The following LANCL3 variants were observed in gnomAD, a reference collection of about 807,000 sequenced individuals.
LANCL3 encodes LanC like family member 3.
Under a neutral mutation model 26.5 loss-of-function variants are expected in LANCL3, and 19 were observed. The observed-to-expected ratio is 0.72, with a 90% CI of 0.50 to 1.05. LANCL3 has a LOEUF of 1.05. Among genes scored for constraint, LANCL3 ranks in the 50% least tolerant of loss-of-function variants. The pLI, the probability that LANCL3 is intolerant of heterozygous loss-of-function variation, is 0.00. For missense variants in LANCL3, 318 were observed against 362.7 expected (o/e 0.88, Z 1.00); for synonymous variants, 160 against 166.6 (o/e 0.96, Z 0.30).
chrX:37,576,560 A>C (rs1441236769), intron 1 of LANCL3, among the ~76,000 whole-genome samples: 7 of 111,606 alleles, frequency 6.3e-5, no homozygotes, highest in Non-Finnish European at 1.3e-4. Context: ...GATTAATAAG[A>C]GCTTCTTCGT....
In LANCL3 at chrX:37,667,393, G is replaced by A; in HGVS notation, c.1007G>A (p.Gly336Glu). ...LTWQKGLLKK[G>E]PGICHGVAGS... ...TGGCAGAAAGGCCTGCTAAAGAAGG[G>A]GCCTGGGATTTGCCATGGAGTAGCC... The change falls in exon 4 of 5, where the codon GGG becomes GAG. Residue 336 changes from glycine (G) to glutamate (E), a missense_variant. By Grantham distance (98) the Gly-to-Glu change is moderately conservative. Coordinates refer to ENST00000378619, the MANE Select transcript of LANCL3 (RefSeq NM_001170331.2). 1 of 1,203,168 alleles carries A rather than the reference G, an allele frequency of 8.3e-7. No individual in the cohort carries two copies. Among genetic ancestry groups the A allele is most frequent in the Non-Finnish European group, 1.1e-6 (1 of 891,655 alleles).
In LANCL3 at chrX:37,577,571, A is replaced by G. The variant is rs3126460; in HGVS notation, c.573+5128A>G. Among the ~76,000 whole-genome samples the G allele has an allele frequency of 9.7e-3, 1,090 of 112,514 alleles. 6 individuals carry two copies. The highest frequency in any genetic ancestry group is 0.033 in the African/African-American group (1,033 of 30,977). On this transcript the variant is annotated intron_variant, in intron 1 of 4. Transcript: ENST00000378619. Reference sequence around the variant, plus strand: ...AAATGCTAATTTGTTTAAGTAAGCTAGGAAACATGTAGATGTGATTTTATT... The same window carrying G: ...AAATGCTAATTTGTTTAAGTAAGCTGGGAAACATGTAGATGTGATTTTATT...
intron 1 of LANCL3, among the ~76,000 whole-genome samples, chrX:37,640,058 A>C (rs1925822905): frequency 1.8e-5 from 2 of 112,321 alleles, no homozygotes; most frequent in Non-Finnish European, 3.8e-5. Context: ...CCCTCATTAA[A>C]ATAATAACAA....
At chrX:37,668,114 G>A (rs1926589693) in intron 4 of LANCL3, among the ~76,000 whole-genome samples, 2 of 109,166 alleles carry the variant, frequency 1.8e-5, no homozygotes, top group African/African-American at 6.7e-5. Context: ...ATGTGTGTGT[G>A]TGTGTGTCTT....
At chrX:37,581,143 A>AT (rs1160203991) in intron 1 of LANCL3, among the ~76,000 whole-genome samples, 1 of 111,823 alleles carries the variant, frequency 8.9e-6, no homozygotes, top group African/African-American at 3.3e-5. Context: ...CTGAATTACA[A>AT]TTTTTTTCCC....
intron 1 of LANCL3, among the ~76,000 whole-genome samples, chrX:37,618,934 C>T (rs1925079925): frequency 9.0e-6 from 1 of 111,321 alleles, no homozygotes; most frequent in Non-Finnish European, 1.9e-5. Flanking sequence ...TCCTATATTT[C>T]AAACCTTTGC....
intron 1 of LANCL3, among the ~76,000 whole-genome samples, chrX:37,612,362 G>A (rs1042888423): frequency 1.8e-5 from 2 of 111,633 alleles, no homozygotes; most frequent in Non-Finnish European, 3.8e-5. Flanking sequence ...TATGTATCCT[G>A]AAGTTTGAAC....
chrX:37,668,754 A>T (rs782189164), intron 4 of LANCL3, among the ~76,000 whole-genome samples: 5 of 111,929 alleles, frequency 4.5e-5, no homozygotes, highest in African/African-American at 1.3e-4. Context: ...TGTTGTGAAG[A>T]TTCCCACTGA....
At chrX:37,589,243 C>T (rs141818450) in intron 1 of LANCL3, among the ~76,000 whole-genome samples, 35 of 112,037 alleles carry the variant, frequency 3.1e-4, no homozygotes, top group Non-Finnish European at 4.1e-4. Context: ...GACATTAAAG[C>T]ATGATGGTTA....
intron 1 of LANCL3, among the ~76,000 whole-genome samples, chrX:37,615,588 G>A (rs1412676735): frequency 3.6e-5 from 4 of 111,929 alleles, no homozygotes; most frequent in Admixed American, 9.5e-5. Flanking sequence ...ATAGTCAAAG[G>A]TTGGAATGTA....
At chrX:37,588,550 C>T (rs1339141539) in intron 1 of LANCL3, among the ~76,000 whole-genome samples, 1 of 111,903 alleles carries the variant, frequency 8.9e-6, no homozygotes, top group East Asian at 2.8e-4. Context: ...GGAAACCTAC[C>T]AAGATAACAG....
At chrX:37,605,957 C>G (rs1924702669) in intron 1 of LANCL3, among the ~76,000 whole-genome samples, 1 of 111,372 alleles carries the variant, frequency 9.0e-6, no homozygotes, top group African/African-American at 3.3e-5. Context: ...TTTTGGAGAT[C>G]CCCAAGACCA....
intron 1 of LANCL3, among the ~76,000 whole-genome samples, chrX:37,647,941 G>C (rs961305948): frequency 8.9e-6 from 1 of 112,627 alleles, no homozygotes; most frequent in Non-Finnish European, 1.9e-5. Flanking sequence ...CATGGATTAA[G>C]GTTTAAGAGG....
intron 1 of LANCL3, among the ~76,000 whole-genome samples, chrX:37,586,640 A>G (rs1453050934): frequency 8.9e-6 from 1 of 111,885 alleles, no homozygotes; most frequent in African/African-American, 3.3e-5. Flanking sequence ...CATGGTTTTC[A>G]GCTCCATCAG....
At chrX:37,673,670 G>C (rs782685016) in intron 4 of LANCL3, among the ~76,000 whole-genome samples, 36 of 111,349 alleles carry the variant, frequency 3.2e-4, no homozygotes, top group Non-Finnish European at 6.0e-4. Flanking sequence ...CTCAGACATT[G>C]CTGGTACTAT....
intron 3 of LANCL3, 29 bp downstream of exon 3, chrX:37,659,688 T>C (rs371827262): frequency 5.3e-5 from 62 of 1,171,754 alleles, no homozygotes; most frequent in Admixed American, 3.8e-4. Context: ...CCTAAAAATA[T>C]TGCCTTTCAT....
intron 1 of LANCL3, among the ~76,000 whole-genome samples, chrX:37,641,893 T>G (rs781876120): frequency 2.7e-5 from 3 of 111,821 alleles, no homozygotes; most frequent in African/African-American, 9.7e-5. Flanking sequence ...TTCATAGCAC[T>G]TGGTGCTAAA....
intron 1 of LANCL3, among the ~76,000 whole-genome samples, chrX:37,600,518 T>A (rs1452526551): frequency 4.5e-5 from 5 of 112,260 alleles, no homozygotes; most frequent in Non-Finnish European, 9.4e-5. Flanking sequence ...CAGAGTAACC[T>A]TCCTTCTTGC....
chrX:37,676,006 A>G lies in LANCL3; in HGVS notation c.*193A>G, dbSNP rs1926794326. 6.6e-6 allele frequency: 2 copies of G among 301,571 alleles called. No homozygotes were observed. Among genetic ancestry groups the G allele is most frequent in the Admixed American group, 5.8e-5 (1 of 17,128 alleles). The allele number at this position is 301,571 out of a possible 1,213,427, so 24.9% of individuals were successfully genotyped here. On this transcript the variant is annotated 3_prime_UTR_variant, in exon 5 of 5. Transcript: ENST00000378619. Reference sequence around the variant, plus strand: ...CTGCAAAATAAAGATACCACAATTCATCTTAAAACTGCAGAGATTTAATGT... The same window carrying G: ...CTGCAAAATAAAGATACCACAATTCGTCTTAAAACTGCAGAGATTTAATGT...
Sources: gnomAD v4.1 joint callset for allele counts (sites outside exome capture counted in the v4.1 genomes callset) on GRCh38, gnomAD v4.1.1 for gene constraint, MANE v1.5 for transcripts, NCBI Gene and HGNC (gene_info 2026-07-23, HGNC 2026-07-21) for gene names.